ANKRD33B: variants seen among roughly 807,000 people sequenced by gnomAD.
The protein encoded by ANKRD33B is ankyrin repeat domain 33B.
A neutral mutation model predicts 21.5 loss-of-function variants in ANKRD33B; 6 were observed. The ratio of observed to expected loss-of-function variants is 0.28; its 90% CI spans 0.15 to 0.55. The LOEUF (loss-of-function observed/expected upper bound fraction) is 0.55, where lower values mean the gene tolerates loss of function less well. Among genes scored for constraint, ANKRD33B ranks in the 20% least tolerant of loss-of-function variants. ANKRD33B has a pLI of 0.94. For synonymous variants in ANKRD33B, 347 were observed against 342.4 expected, an observed-to-expected ratio of 1.01 and a Z score of -0.15; for missense variants, 698 against 747.2, an observed-to-expected ratio of 0.93 and a Z score of 0.77.
intron 2 of ANKRD33B, among the ~76,000 whole-genome samples, chr5:10,623,257 G>A (rs1459052933): frequency 1.3e-5 from 2 of 152,120 alleles, no homozygotes; most frequent in Admixed American, 6.5e-5. Flanking sequence ...TTCTATCTGT[G>A]GGGCATTGCC....
At chr5:10,567,122 T>C (rs1045422863) in intron 1 of ANKRD33B, among the ~76,000 whole-genome samples, 1 of 152,218 alleles carries the variant, frequency 6.6e-6, no homozygotes, top group Admixed American at 6.5e-5. Flanking sequence ...TAGAGACCCT[T>C]GGACTCTTTC....
At chr5:10,602,857 G>A (rs997089138) in intron 1 of ANKRD33B, among the ~76,000 whole-genome samples, 3 of 150,096 alleles carry the variant, frequency 2.0e-5, no homozygotes, top group Non-Finnish European at 3.0e-5. Context: ...CTGTCACCCA[G>A]GTTGGAGTGC....
In ANKRD33B at chr5:10,591,467, G is replaced by A. The variant is rs531579613; in HGVS notation, c.366+26634G>A. Among the ~76,000 whole-genome samples, 26 of 152,026 alleles carry A rather than the reference G, an allele frequency of 1.7e-4. No homozygotes were observed. In the South Asian group the frequency reaches 4.0e-3, roughly 23 times the overall value. ...CCTTGGCCTCCCAGAGTGCTGTCCC[G>A]CACCGAGCCTTTTTAGTGTTTTTAT... On this transcript the variant is annotated intron_variant, in intron 1 of 3. Transcript: ENST00000296657.
At chr5:10,588,252 C>T (rs1027110375) in intron 1 of ANKRD33B, among the ~76,000 whole-genome samples, 3 of 152,132 alleles carry the variant, frequency 2.0e-5, no homozygotes, top group Non-Finnish European at 4.4e-5. Flanking sequence ...TAATATAATA[C>T]GGTACTTATA....
rs1737378433 is a variant in ANKRD33B, at chr5:10,652,356, C to T, written c.*2243C>T. The stretch of plus-strand genomic sequence containing the variant: ...CGCATTGAGAACCGCAGCTCTAACA[C>T]AGTGATTGCGAGAGGACACCCATTC... On this transcript the variant is annotated 3_prime_UTR_variant, in exon 4 of 4. Transcript: ENST00000296657. The surrounding 1 kb of genome is among the most constrained non-coding windows in gnomAD (Gnocchi z 4.1). The T allele has an allele frequency of 6.6e-6, 1 of 152,488 alleles. No individual in the cohort carries two copies. Among genetic ancestry groups the T allele is most frequent in the Non-Finnish European group, 1.5e-5 (1 of 68,132 alleles). The allele number at this position is 152,488 out of a possible 1,614,324, so 9.4% of individuals were successfully genotyped here.
In ANKRD33B at chr5:10,601,348, C is replaced by T. The variant is rs79427933; in HGVS notation, c.367-16985C>T. 6.6e-3 allele frequency among the ~76,000 whole-genome samples: 1,011 copies of T among 152,284 alleles called. 8 individuals carry two copies. The highest frequency in any genetic ancestry group is 0.023 in the African/African-American group (947 of 41,554). ...CCGTCATGACCCAGAATTCCCCACT[C>T]GTCAGCTCCACGCCTTTGCACATGC... On this transcript the variant is annotated intron_variant, in intron 1 of 3. Transcript: ENST00000296657.
At chr5:10,597,493 T>A (rs951179200) in intron 1 of ANKRD33B, among the ~76,000 whole-genome samples, 1 of 152,140 alleles carries the variant, frequency 6.6e-6, no homozygotes, top group Non-Finnish European at 1.5e-5. Context: ...AAGAGCTAAC[T>A]ATCCTAAATA....
At chr5:10,597,264 A>G (rs1245304629) in intron 1 of ANKRD33B, among the ~76,000 whole-genome samples, 1 of 152,238 alleles carries the variant, frequency 6.6e-6, no homozygotes, top group Admixed American at 6.5e-5. Flanking sequence ...GTAAAGAGTT[A>G]AGACCCATCA....
chr5:10,627,020 C>T (rs879437780), intron 2 of ANKRD33B, among the ~76,000 whole-genome samples: 10 of 152,226 alleles, frequency 6.6e-5, no homozygotes, highest in Non-Finnish European at 1.5e-4. Context: ...AGTACGAATT[C>T]GGATGCAAAT....
rs6894331 is a variant in ANKRD33B, at chr5:10,652,005, C to T, written c.*1892C>T. The T allele has an allele frequency of 0.31, 46,567 of 152,284 alleles. 7,070 individuals carry two copies. The highest frequency in any genetic ancestry group is 0.32 in the Non-Finnish European group (21,651 of 67,988). The allele number at this position is 152,284 out of a possible 1,614,324, so 9.4% of individuals were successfully genotyped here. On this transcript the variant is annotated 3_prime_UTR_variant, in exon 4 of 4. Coordinates refer to ENST00000296657, the MANE Select transcript of ANKRD33B (RefSeq NM_001164440.2). This position sits in a 1 kb window ranked among gnomAD's most constrained non-coding sequence, Gnocchi z 4.1. ...ATATTAGTTGACTGTGGGTCACCCT[C>T]GTGGCCAAGGAGTTGGGATTGGCCA... is the stretch of plus-strand genomic sequence containing the variant.
chr5:10,582,813 A>G (rs989112998), intron 1 of ANKRD33B, among the ~76,000 whole-genome samples: 4 of 152,150 alleles, frequency 2.6e-5, no homozygotes, highest in African/African-American at 7.2e-5. Flanking sequence ...TTGGACCCTC[A>G]TCGCAGTTCG....
At chr5:10,583,281 C>T (rs1041085671) in intron 1 of ANKRD33B, among the ~76,000 whole-genome samples, 4 of 152,150 alleles carry the variant, frequency 2.6e-5, no homozygotes, top group Admixed American at 6.5e-5. Flanking sequence ...ATTACAGGCG[C>T]GAGCCACCGC....
intron 2 of ANKRD33B, among the ~76,000 whole-genome samples, chr5:10,628,997 T>A (rs1268162770): frequency 2.0e-5 from 3 of 151,624 alleles, no homozygotes; most frequent in African/African-American, 7.3e-5. Flanking sequence ...GAATGCTGGC[T>A]GTTTGACCAT....
intron 3 of ANKRD33B, among the ~76,000 whole-genome samples, chr5:10,643,027 C>T (rs891028164): frequency 1.3e-5 from 2 of 152,114 alleles, no homozygotes; most frequent in African/African-American, 2.4e-5. Flanking sequence ...GCTTCAGCCT[C>T]CTGAGTAGCT....
chr5:10,644,586 C>T (rs1228987385), intron 3 of ANKRD33B, among the ~76,000 whole-genome samples: 5 of 152,202 alleles, frequency 3.3e-5, no homozygotes, highest in Non-Finnish European at 7.3e-5. Flanking sequence ...CGGCGAGGAA[C>T]AGAGATCAGA....
At chr5:10,615,626 G>A (rs567305141) in intron 1 of ANKRD33B, among the ~76,000 whole-genome samples, 2 of 152,224 alleles carry the variant, frequency 1.3e-5, no homozygotes, top group African/African-American at 2.4e-5. Flanking sequence ...GTGCATATGT[G>A]TGTGTCTGGT....
At chr5:10,590,537 CTT>C (rs1735657933) in intron 1 of ANKRD33B, among the ~76,000 whole-genome samples, 1 of 152,158 alleles carries the variant, frequency 6.6e-6, no homozygotes, top group Non-Finnish European at 1.5e-5. Context: ...CCCAGGATGA[CTT>C]TGAATGCAGC....
intron 1 of ANKRD33B, among the ~76,000 whole-genome samples, chr5:10,578,915 G>T (rs1021659015): frequency 2.6e-5 from 4 of 152,048 alleles, no homozygotes; most frequent in Non-Finnish European, 5.9e-5. Context: ...TAATCCCCCA[G>T]CGCTTGGAGG....
chr5:10,611,419 G>A (rs915636980), intron 1 of ANKRD33B, among the ~76,000 whole-genome samples: 15 of 152,178 alleles, frequency 9.9e-5, no homozygotes, highest in African/African-American at 2.9e-4. Context: ...CTCAGTGGGG[G>A]TTGTCCCTGT....
Sources: allele counts gnomAD v4.1 joint callset (sites outside exome capture counted in the v4.1 genomes callset), GRCh38; gene constraint gnomAD v4.1.1; non-coding constraint Gnocchi (gnomAD v3.1); transcripts MANE v1.5; gene names NCBI Gene and HGNC (gene_info 2026-07-23, HGNC 2026-07-21).